The following ADORA2B variants were observed in gnomAD, a reference collection of about 807,000 sequenced individuals.
The protein encoded by ADORA2B is adenosine receptor A2b.
ADORA2B carries 18 observed loss-of-function variants against 20.8 expected under a neutral mutation model. The ratio of observed to expected loss-of-function variants is 0.87; its 90% CI spans 0.60 to 1.29. ADORA2B has a LOEUF of 1.29. Ranked by LOEUF, ADORA2B falls within the 50% of genes most tolerant of loss-of-function variation. The probability of loss-of-function intolerance (pLI) is 0.00; values close to 1 mark genes in which losing one functional copy is unlikely to be tolerated. For synonymous variants in ADORA2B, 179 were observed against 178.3 expected (o/e 1.00, Z -0.03); for missense variants, 441 against 422.7 (o/e 1.04, Z -0.38).
At chr17:15,909,824 G>A in the ADORA2B span, among the ~76,000 whole-genome samples, 1 of 152,218 alleles carries the variant, frequency 6.6e-6, no homozygotes, top group Admixed American at 6.5e-5. Flanking sequence ...AGCCCTTAGG[G>A]ATGGGCAGTG....
intron 1 of ADORA2B, among the ~76,000 whole-genome samples, chr17:15,964,667 T>A (rs1275615899): frequency 6.7e-6 from 1 of 149,588 alleles, no homozygotes; most frequent in Non-Finnish European, 1.5e-5. Context: ...ATTGTTATAG[T>A]GCTATTAAAA....
chr17:15,904,167 A>G, the ADORA2B span, among the ~76,000 whole-genome samples: 1 of 152,104 alleles, frequency 6.6e-6, no homozygotes, highest in Admixed American at 6.5e-5. Context: ...AAAAATAGAG[A>G]CAGGGTCTTG....
At chr17:15,866,804 C>T in the ADORA2B span, among the ~76,000 whole-genome samples, 1 of 151,850 alleles carries the variant, frequency 6.6e-6, no homozygotes, top group Non-Finnish European at 1.5e-5. Flanking sequence ...GACCCTCTGC[C>T]TCTCTTTCCA....
At chr17:15,966,791 T>G (rs776574954) in intron 1 of ADORA2B, among the ~76,000 whole-genome samples, 1 of 152,254 alleles carries the variant, frequency 6.6e-6, no homozygotes, top group Non-Finnish European at 1.5e-5. Context: ...TGTTTCTGCC[T>G]TGTTTGGAAT....
At chr17:15,858,826 A>G in the ADORA2B span, 3 of 153,822 alleles carry the variant, frequency 2.0e-5, no homozygotes, top group African/African-American at 4.8e-5. Context: ...CAGGTAAATT[A>G]TATATAAACA....
chr17:15,932,723 G>T, the ADORA2B span, among the ~76,000 whole-genome samples: 12 of 152,064 alleles, frequency 7.9e-5, no homozygotes, highest in African/African-American at 2.9e-4. Context: ...CCATTAAATT[G>T]TCATGGAATC....
the ADORA2B span, among the ~76,000 whole-genome samples, chr17:15,874,732 G>A: frequency 8.6e-5 from 13 of 151,842 alleles, no homozygotes; most frequent in Middle Eastern, 3.2e-3. Context: ...ATCACTTATC[G>A]TGCCTTTTTA....
chr17:15,898,967 C>T, the ADORA2B span, among the ~76,000 whole-genome samples: 5 of 152,068 alleles, frequency 3.3e-5, no homozygotes, highest in African/African-American at 7.2e-5. Context: ...CAGTAGCTCA[C>T]GCCCATAATC....
At chr17:15,913,062 G>A in the ADORA2B span, among the ~76,000 whole-genome samples, 2 of 152,186 alleles carry the variant, frequency 1.3e-5, no homozygotes, top group South Asian at 2.1e-4. Flanking sequence ...GGCTCCCAAC[G>A]TGCCCCCTGA....
the ADORA2B span, among the ~76,000 whole-genome samples, chr17:15,855,110 T>A: frequency 1.3e-5 from 2 of 151,576 alleles, no homozygotes; most frequent in African/African-American, 4.9e-5. Context: ...TATATTTTTT[T>A]AGTAGAGATG....
At chr17:15,875,924 A>G in the ADORA2B span, among the ~76,000 whole-genome samples, 2 of 151,780 alleles carry the variant, frequency 1.3e-5, no homozygotes, top group East Asian at 3.9e-4. Context: ...TTCAACCCCA[A>G]CTCTTTGTGA....
At chr17:15,968,658 C>T (rs995860474) in intron 1 of ADORA2B, among the ~76,000 whole-genome samples, 5 of 152,062 alleles carry the variant, frequency 3.3e-5, no homozygotes, top group African/African-American at 4.8e-5. Context: ...CAGTTTGGGG[C>T]GAAATTGGAA....
chr17:15,920,205 G>A, the ADORA2B span, among the ~76,000 whole-genome samples: 17 of 152,284 alleles, frequency 1.1e-4, no homozygotes, highest in African/African-American at 3.4e-4. Context: ...ATAGACACGG[G>A]AGACACAGAA....
At chr17:15,891,370 T>C in the ADORA2B span, among the ~76,000 whole-genome samples, 1 of 152,258 alleles carries the variant, frequency 6.6e-6, no homozygotes, top group African/African-American at 2.4e-5. Context: ...GAGCACAGGC[T>C]GCATTTGCTG....
chr17:15,948,311 C>CAGGCACTGCCG, intron 1 of ADORA2B, among the ~76,000 whole-genome samples: 2 of 4,248 alleles, frequency 4.7e-4, no homozygotes, highest in South Asian at 0.071. Context: ...TGGCCTGGCC[C>CAGGCACTGCCG]TTTGCCTTCA....
the ADORA2B span, among the ~76,000 whole-genome samples, chr17:15,874,135 C>T: frequency 6.6e-6 from 1 of 151,080 alleles, no homozygotes; most frequent in South Asian, 2.1e-4. Context: ...CACACACACA[C>T]ACACCATGGA....
chr17:15,867,402 A>G, the ADORA2B span, among the ~76,000 whole-genome samples: 1 of 148,394 alleles, frequency 6.7e-6, no homozygotes, highest in African/African-American at 2.5e-5. Context: ...CTGCCGCCCC[A>G]TCTGGGATGT....
intron 1 of ADORA2B, among the ~76,000 whole-genome samples, chr17:15,958,692 C>T (rs1970000557): frequency 6.6e-6 from 1 of 152,178 alleles, no homozygotes; most frequent in African/African-American, 2.4e-5. Context: ...CATGTGTTTC[C>T]CTCTGCCTGC....
chr17:15,919,770 G>C, the ADORA2B span, among the ~76,000 whole-genome samples: 4 of 152,308 alleles, frequency 2.6e-5, no homozygotes, highest in African/African-American at 9.6e-5. Flanking sequence ...GATGCCAGGT[G>C]GGGGCAGAGG....
Sources: gnomAD v4.1 joint callset for allele counts (sites outside exome capture counted in the v4.1 genomes callset) on GRCh38, gnomAD v4.1.1 for gene constraint, MANE v1.5 for transcripts, NCBI Gene and HGNC (gene_info 2026-07-23, HGNC 2026-07-21) for gene names.